Variants in LOXL1 observed in about 807,000 individuals in gnomAD.
LOXL1 encodes lysyl oxidase like 1.
In LOXL1, 31 loss-of-function variants were observed where a neutral mutation model predicts 62.2. The ratio of observed to expected loss-of-function variants is 0.50; its 90% CI spans 0.37 to 0.67. The LOEUF is 0.67. Among genes scored for constraint, LOXL1 ranks in the 30% least tolerant of loss-of-function variants. LOXL1 has a pLI of 0.00. For missense variants in LOXL1, 775 were observed against 843.4 expected (o/e 0.92, Z 1.00); for synonymous variants, 403 against 384.4 (o/e 1.05, Z -0.56).
chr15:73,938,275 G>GTATCTATCTATCTATC (rs138576407), intron 1 of LOXL1, among the ~76,000 whole-genome samples: 13,518 of 140,598 alleles, frequency 0.096, 776 homozygotes, highest in Non-Finnish European at 0.11. Context: ...GCTAGACTCC[G>GTATCTATCTATCTATC]TATCTATCTA....
In LOXL1 at chr15:73,927,305, G is replaced by T; in HGVS notation, c.522G>T (p.Pro174=). Residue 174 remains proline (P), a synonymous_variant, in exon 1 of 7, where the codon CCG becomes CCT. Transcript: ENST00000261921. The stretch of plus-strand genomic sequence containing the variant: ...CCTACCGCCAGCAGCCCTCCTACCC[G>T]CAGCAGTTCCCCTACCCGCAGGCGC... The part of the protein sequence containing the change: ...ASTYRQQPSY[P]QQFPYPQAPF... The T allele has an allele frequency of 6.2e-7, 1 of 1,602,864 alleles. No homozygotes were observed.
chr15:73,949,616 C>G (rs757665227), intron 6 of LOXL1, 42 bp downstream of exon 6: 1 of 1,421,292 alleles, frequency 7.0e-7, no homozygotes, highest in Non-Finnish European at 9.9e-7. Context: ...CGTCCCTTTC[C>G]TGCCTGGGGA....
intron 1 of LOXL1, among the ~76,000 whole-genome samples, chr15:73,929,684 G>A (rs181681820): frequency 1.3e-5 from 2 of 152,334 alleles, no homozygotes; most frequent in African/African-American, 4.8e-5. Context: ...CCTGCAGAAG[G>A]GCGCATTATA....
intron 1 of LOXL1, chr15:73,941,829 C>G: frequency 6.2e-6 from 1 of 162,504 alleles, no homozygotes; most frequent in Non-Finnish European, 1.4e-5. Context: ...CATTCCAATG[C>G]AGAATGGAGT....
At chr15:73,946,192 G>A (rs2068745678) in intron 2 of LOXL1, among the ~76,000 whole-genome samples, 1 of 152,242 alleles carries the variant, frequency 6.6e-6, no homozygotes, top group South Asian at 2.1e-4. Context: ...ACATGGTGGA[G>A]GCCAGAAAGG....
chr15:73,940,288 G>A (rs2068704961), intron 1 of LOXL1, among the ~76,000 whole-genome samples: 1 of 152,138 alleles, frequency 6.6e-6, no homozygotes, highest in African/African-American at 2.4e-5. Context: ...TGTAGCGAGG[G>A]TCAAGGCTCA....
intron 1 of LOXL1, among the ~76,000 whole-genome samples, chr15:73,937,061 C>T (rs1031814528): frequency 3.3e-5 from 5 of 152,350 alleles, no homozygotes; most frequent in South Asian, 2.1e-4. Flanking sequence ...ACAGTGAACT[C>T]ACCTCTGGAG....
At chr15:73,932,089 G>A (rs531240962) in intron 1 of LOXL1, among the ~76,000 whole-genome samples, 1 of 152,302 alleles carries the variant, frequency 6.6e-6, no homozygotes, top group Non-Finnish European at 1.5e-5. Context: ...ATCACAGTGA[G>A]ATGACCCAGG....
chr15:73,949,669 G>A (rs2068770848), intron 6 of LOXL1, 95 bp downstream of exon 6: 1 of 835,908 alleles, frequency 1.2e-6, no homozygotes, highest in African/African-American at 1.7e-5. Flanking sequence ...CTGCACTTTA[G>A]GTCACCTTGA....
Position 73,949,563 on chromosome 15 carries a change from C to A in LOXL1, c.1707C>A (p.Cys569Ter). ...YTGRYVSATN[C>*]KIVQS ...GTCGCTACGTTTCTGCAACAAACTG[C>A]AAAATTGTCCAGTAAGAGTTTGCCC... The change falls in exon 6 of 7, where the codon TGC (cysteine) becomes TGA (stop). Residue 569 changes from cysteine (C) to a stop codon, truncating the protein, a stop_gained. Transcript: ENST00000261921. LOFTEE classifies it high-confidence loss of function. The A allele has an allele frequency of 6.2e-7, 1 of 1,612,070 alleles. No homozygotes were observed. The highest frequency in any genetic ancestry group is 8.5e-7 in the Non-Finnish European group (1 of 1,178,150).
chr15:73,928,011 C>A, intron 1 of LOXL1, 126 bp downstream of exon 1: 2 of 884,180 alleles, frequency 2.3e-6, no homozygotes, highest in Non-Finnish European at 3.0e-6. Context: ...CACGGAGCAG[C>A]GCCCCCTCCC....
At chr15:73,933,360 G>T (rs527315690) in intron 1 of LOXL1, among the ~76,000 whole-genome samples, 2 of 152,180 alleles carry the variant, frequency 1.3e-5, no homozygotes, top group South Asian at 4.1e-4. Flanking sequence ...AGGGACGGGT[G>T]TTTTATATTC....
chr15:73,934,680 A>G (rs766115022), intron 1 of LOXL1, among the ~76,000 whole-genome samples: 1 of 152,176 alleles, frequency 6.6e-6, no homozygotes, highest in Non-Finnish European at 1.5e-5. Flanking sequence ...AGAGCTGGGT[A>G]TTCATTCGTG....
chr15:73,943,000 G>C, intron 2 of LOXL1, 38 bp downstream of exon 2: 2 of 1,501,000 alleles, frequency 1.3e-6, no homozygotes, highest in Non-Finnish European at 1.9e-6. Flanking sequence ...TGTTGGGATA[G>C]TCCCCGGGAG....
chr15:73,931,881 T>C (rs970899063), intron 1 of LOXL1, among the ~76,000 whole-genome samples: 4 of 152,236 alleles, frequency 2.6e-5, no homozygotes, highest in African/African-American at 9.6e-5. Flanking sequence ...GAGGCAGGGA[T>C]AATAATACCA....
chr15:73,949,561 T>C lies in LOXL1; in HGVS notation c.1705T>C (p.Cys569Arg), dbSNP rs1300536747. The C allele has an allele frequency of 6.2e-7, 1 of 1,612,826 alleles. No individual in the cohort carries two copies. Residue 569 changes from cysteine to arginine, a missense_variant, in exon 6 of 7, where the codon TGC becomes CGC. Coordinates refer to ENST00000261921, the MANE Select transcript of LOXL1 (RefSeq NM_005576.4). ...YTGRYVSATN[C>R]KIVQS ...AGGTCGCTACGTTTCTGCAACAAAC[T>C]GCAAAATTGTCCAGTAAGAGTTTGC...
Position 73,947,791 on chromosome 15 carries a change from C to A in LOXL1, c.1507-16C>A. ...AACAAGCAGCATCACAGCCGCTCCT[C>A]TTGTCCCTTTCCCAGGGCCTGAGCC... On this transcript the variant is annotated splice_polypyrimidine_tract_variant and intron_variant, in intron 4 of 6. Transcript: ENST00000261921. 1 of 1,582,268 alleles carries A rather than the reference C, an allele frequency of 6.3e-7. No homozygotes were observed.
intron 6 of LOXL1, 100 bp downstream of exon 6, chr15:73,949,674 C>A (rs952911583): frequency 1.3e-6 from 1 of 784,318 alleles, no homozygotes; most frequent in Non-Finnish European, 2.2e-6. Context: ...CTTTAGGTCA[C>A]CTTGATGGCC....
chr15:73,938,447 C>T (rs1277701327), intron 1 of LOXL1, among the ~76,000 whole-genome samples: 2 of 151,500 alleles, frequency 1.3e-5, no homozygotes, highest in Non-Finnish European at 2.9e-5. Context: ...CTCGGTGGCT[C>T]ACCCCATAAC....
Sources: allele counts gnomAD v4.1 joint callset (sites outside exome capture counted in the v4.1 genomes callset), GRCh38; gene constraint gnomAD v4.1.1; transcripts MANE v1.5; gene names NCBI Gene and HGNC (gene_info 2026-07-23, HGNC 2026-07-21).